Variants in ZBTB16 observed in about 807,000 individuals in gnomAD.
ZBTB16 encodes the protein zinc finger and BTB domain containing 16.
A neutral mutation model predicts 56.8 loss-of-function variants in ZBTB16; 8 were observed. That is an observed-to-expected ratio of 0.14 (90% confidence interval 0.08 to 0.25). ZBTB16 has a LOEUF of 0.25. Among genes scored for constraint, ZBTB16 ranks in the 10% least tolerant of loss-of-function variants. The probability of loss-of-function intolerance (pLI) is 1.00; values close to 1 mark genes in which losing one functional copy is unlikely to be tolerated. For missense variants in ZBTB16, 625 were observed against 903.0 expected, an observed-to-expected ratio of 0.69 and a Z score of 3.95; for synonymous variants, 363 against 368.5, an observed-to-expected ratio of 0.98 and a Z score of 0.17.
At chr11:114,096,062 G>A (rs1455137766) in intron 2 of ZBTB16, among the ~76,000 whole-genome samples, 1 of 152,100 alleles carries the variant, frequency 6.6e-6, no homozygotes, top group African/African-American at 2.4e-5. Context: ...ATCTACTTAA[G>A]ACACTGTATT....
chr11:114,183,427 C>A (rs550308154), intron 3 of ZBTB16, among the ~76,000 whole-genome samples: 11 of 152,308 alleles, frequency 7.2e-5, no homozygotes, highest in African/African-American at 2.4e-4. Context: ...TCCTACCTGG[C>A]CTCCTTCCTT....
intron 2 of ZBTB16, among the ~76,000 whole-genome samples, chr11:114,133,322 T>C (rs1941715461): frequency 1.3e-5 from 2 of 152,096 alleles, no homozygotes; most frequent in African/African-American, 4.8e-5. Context: ...GTGGTGCTGG[T>C]CAGCCCCAGC....
intron 3 of ZBTB16, among the ~76,000 whole-genome samples, chr11:114,173,553 G>A (rs1404972469): frequency 6.6e-6 from 1 of 152,190 alleles, no homozygotes; most frequent in Non-Finnish European, 1.5e-5. Flanking sequence ...GGGATGCCTA[G>A]GCCTAAAATT....
At chr11:114,155,258 C>T (rs975865095) in intron 2 of ZBTB16, among the ~76,000 whole-genome samples, 2 of 152,212 alleles carry the variant, frequency 1.3e-5, no homozygotes, top group Admixed American at 6.5e-5. Flanking sequence ...GCAGGGATGG[C>T]GCAGAGACTG....
intron 4 of ZBTB16, among the ~76,000 whole-genome samples, chr11:114,228,922 C>T (rs1944383630): frequency 6.6e-6 from 1 of 152,192 alleles, no homozygotes; most frequent in Non-Finnish European, 1.5e-5. Context: ...CTGGTGTCAG[C>T]TGTCCCTCCC....
At position 114,147,739 on chromosome 11, in the gene ZBTB16, G is replaced by A. The variant is rs116722497; in HGVS notation, c.1269-8598G>A. Among the ~76,000 whole-genome samples the A allele has an allele frequency of 3.1e-4, 47 of 152,228 alleles. 1 individual carries two copies. Among genetic ancestry groups the A allele is most frequent in the Middle Eastern group, 3.4e-3 (1 of 294 alleles). On this transcript the variant is annotated intron_variant, in intron 2 of 6. Transcript: ENST00000335953. The stretch of plus-strand genomic sequence containing the variant: ...AAGTATGTATTGATCTCTTCCCCTC[G>A]GATCTTAACTGCCCTGGCTGTAATA...
At chr11:114,227,167 G>A (rs79487547) in intron 4 of ZBTB16, among the ~76,000 whole-genome samples, 3,332 of 152,240 alleles carry the variant, frequency 0.022, 66 homozygotes, top group South Asian at 0.04. Flanking sequence ...TGCAGCAGCC[G>A]GAGCAGCGCT....
chr11:114,070,481 C>T (rs1050264020), intron 2 of ZBTB16, among the ~76,000 whole-genome samples: 6 of 152,116 alleles, frequency 3.9e-5, no homozygotes, highest in East Asian at 1.9e-4. Context: ...GGATTATGAA[C>T]GATTATCATT....
intron 4 of ZBTB16, chr11:114,210,076 G>A (rs1420050632): frequency 2.2e-6 from 1 of 445,866 alleles, no homozygotes; most frequent in Non-Finnish European, 3.0e-6. Flanking sequence ...GCTGAGAAGA[G>A]CAGATGAAGG....
intron 2 of ZBTB16, among the ~76,000 whole-genome samples, chr11:114,090,315 G>A (rs931426319): frequency 4.6e-5 from 7 of 152,194 alleles, no homozygotes; most frequent in African/African-American, 1.7e-4. Context: ...GTTGGGGAAT[G>A]TCCTGGTTCT....
At chr11:114,178,718 C>A (rs1555149671) in intron 3 of ZBTB16, among the ~76,000 whole-genome samples, 1 of 152,172 alleles carries the variant, frequency 6.6e-6, no homozygotes, top group Non-Finnish European at 1.5e-5. Flanking sequence ...CAGTAAGAGA[C>A]AAGGGCACCA....
chr11:114,202,359 G>A (rs762480977), intron 4 of ZBTB16, among the ~76,000 whole-genome samples: 2 of 152,246 alleles, frequency 1.3e-5, no homozygotes, highest in African/African-American at 2.4e-5. Context: ...GAGAAATAAC[G>A]GGGTGTTTGC....
chr11:114,078,708 G>T (rs916531168), intron 2 of ZBTB16, among the ~76,000 whole-genome samples: 1 of 151,892 alleles, frequency 6.6e-6, no homozygotes, highest in Admixed American at 6.6e-5. Flanking sequence ...GGGGGAGGGG[G>T]TTCCTCACTC....
chr11:114,157,504 T>A (rs1326576476), intron 3 of ZBTB16, among the ~76,000 whole-genome samples: 1 of 152,184 alleles, frequency 6.6e-6, no homozygotes, highest in Non-Finnish European at 1.5e-5. Context: ...TGCACCTTCC[T>A]CCCTCATCCT....
At position 114,156,361 on chromosome 11, in the gene ZBTB16, G is replaced by A. The variant is rs375573362; in HGVS notation, c.1293G>A (p.Thr431=). 18 of 1,614,114 alleles carry A rather than the reference G, an allele frequency of 1.1e-5. No homozygotes were observed. The Admixed American group carries it at 1.8e-4, about 16-fold the overall frequency. ...GGAAGCTGCACAGTGGGATGAAGAC[G>A]TACGGGTGCGAGCTCTGCGGGAAGC... ...QHRKLHSGMK[T]YGCELCGKRF... The change falls in exon 3 of 7, where the codon ACG becomes ACA. Residue 431 remains threonine, a synonymous_variant. Coordinates refer to ENST00000335953, the MANE Select transcript of ZBTB16 (RefSeq NM_006006.6).
intron 4 of ZBTB16, among the ~76,000 whole-genome samples, chr11:114,199,302 TGCC>T (rs1236826457): frequency 1.4e-5 from 2 of 147,888 alleles, no homozygotes; most frequent in South Asian, 2.1e-4. Context: ...CGGACATGGA[TGCC>T]GCTGGGCCCC....
chr11:114,121,974 C>T, intron 2 of ZBTB16: 1 of 358,948 alleles, frequency 2.8e-6, no homozygotes, highest in South Asian at 2.1e-5. Context: ...CCCAAGTCCA[C>T]AGATTTTACT....
chr11:114,170,335 C>T lies in ZBTB16; in HGVS notation c.1366+13901C>T, dbSNP rs1055605164. Among the ~76,000 whole-genome samples the T allele has an allele frequency of 7.2e-5, 11 of 152,306 alleles. No individual in the cohort carries two copies. In the East Asian group the frequency reaches 1.7e-3, roughly 24 times the overall value. On this transcript the variant is annotated intron_variant, in intron 3 of 6. Transcript: ENST00000335953. The stretch of plus-strand genomic sequence containing the variant: ...CTGGAGGGCCAATGGAGGAAGCATC[C>T]GAGGACGGTCTCAGGACGTGCCCCA...
intron 3 of ZBTB16, among the ~76,000 whole-genome samples, chr11:114,164,938 C>T (rs570644939): frequency 2.0e-5 from 3 of 152,218 alleles, no homozygotes; most frequent in South Asian, 4.2e-4. Context: ...GTGTCAGCCT[C>T]GGCCTTTTCT....
Sources: gnomAD v4.1 joint callset for allele counts (sites outside exome capture counted in the v4.1 genomes callset) on GRCh38, gnomAD v4.1.1 for gene constraint, MANE v1.5 for transcripts, NCBI Gene and HGNC (gene_info 2026-07-23, HGNC 2026-07-21) for gene names.